TRAP1: variants seen among roughly 807,000 people sequenced by gnomAD.
The protein encoded by TRAP1 is heat shock protein 75 kDa, mitochondrial.
In TRAP1, 102 loss-of-function variants were observed where a neutral mutation model predicts 89.1. The observed-to-expected ratio is 1.15, with a 90% CI of 0.98 to 1.35. The LOEUF is 1.35. TRAP1 is among the 40% of genes most tolerant of loss of function. The pLI is 0.00. For missense variants in TRAP1, 1,256 were observed against 945.3 expected (o/e 1.33, Z -4.31); for synonymous variants, 508 against 388.0 (o/e 1.31, Z -3.64).
intron 12 of TRAP1, chr16:3,665,446 A>G (rs543884342): frequency 6.5e-6 from 1 of 154,324 alleles, no homozygotes; most frequent in South Asian, 2.0e-4. Context: ...TATCTCAATA[A>G]AAAATGGACA....
chr16:3,677,489 G>A lies in TRAP1; in HGVS notation c.704+9C>T, dbSNP rs752235274. On this transcript the variant is annotated intron_variant, in intron 6 of 17. Coordinates refer to ENST00000246957, the MANE Select transcript of TRAP1 (RefSeq NM_016292.3). Reference sequence around the variant, plus strand: ...TTGAGCTGCCTGTCAGGCGACATTCGTCACTCACCCATCTGAAAGCCACTG... The same window carrying A: ...TTGAGCTGCCTGTCAGGCGACATTCATCACTCACCCATCTGAAAGCCACTG... 26 of 1,613,960 alleles carry A rather than the reference G, an allele frequency of 1.6e-5. No homozygotes were observed. The highest frequency in any genetic ancestry group is 1.3e-4 in the East Asian group (6 of 44,884).
chr16:3,679,052 G>A (rs549585687), intron 5 of TRAP1, among the ~76,000 whole-genome samples: 1 of 152,260 alleles, frequency 6.6e-6, no homozygotes, highest in East Asian at 1.9e-4. Context: ...GCATAGTGAC[G>A]TGCACCTGTA....
At chr16:3,661,090 G>T (rs2043048836) in intron 16 of TRAP1, 1 of 151,964 alleles carries the variant, frequency 6.6e-6, no homozygotes, top group South Asian at 2.1e-4. Context: ...TCATATACAA[G>T]TTAGTTCATA....
chr16:3,685,912 G>C, intron 4 of TRAP1, 84 bp downstream of exon 4: 1 of 1,504,014 alleles, frequency 6.6e-7, no homozygotes, highest in East Asian at 2.3e-5. Flanking sequence ...GTACGTCCCT[G>C]GGACCCGAGA....
intron 6 of TRAP1, chr16:3,676,535 GAA>G (rs2050998250): frequency 1.2e-5 from 2 of 162,048 alleles, no homozygotes; most frequent in South Asian, 4.0e-4. Context: ...CGCCCCCTAA[GAA>G]GAGCAGAAAA....
At chr16:3,700,719 G>C (rs1308409627) in intron 1 of TRAP1, among the ~76,000 whole-genome samples, 1 of 152,164 alleles carries the variant, frequency 6.6e-6, no homozygotes, top group African/African-American at 2.4e-5. Context: ...TCCTGCCTCA[G>C]CCTCCCAAAG....
At chr16:3,681,443 C>A (rs2051072151) in intron 4 of TRAP1, among the ~76,000 whole-genome samples, 1 of 152,178 alleles carries the variant, frequency 6.6e-6, no homozygotes, top group African/African-American at 2.4e-5. Flanking sequence ...GGTGCCAAAA[C>A]CACATCACCA....
At chr16:3,695,455 G>A (rs768975309) in intron 1 of TRAP1, among the ~76,000 whole-genome samples, 4 of 149,706 alleles carry the variant, frequency 2.7e-5, no homozygotes, top group Non-Finnish European at 4.4e-5. Context: ...AGGACTGCTC[G>A]AACACAGGAG....
chr16:3,693,950 A>G (rs770987826), intron 1 of TRAP1, among the ~76,000 whole-genome samples: 2 of 151,452 alleles, frequency 1.3e-5, no homozygotes, highest in Non-Finnish European at 2.9e-5. Context: ...CCAAGATCAC[A>G]CTACCGCACT....
At chr16:3,697,854 T>C (rs1327468424) in intron 1 of TRAP1, among the ~76,000 whole-genome samples, 1 of 151,614 alleles carries the variant, frequency 6.6e-6, no homozygotes, top group Non-Finnish European at 1.5e-5. Flanking sequence ...AATGGCGTGA[T>C]CTCGGCTCAC....
intron 1 of TRAP1, among the ~76,000 whole-genome samples, chr16:3,703,378 T>C (rs945708653): frequency 1.3e-5 from 2 of 151,760 alleles, no homozygotes; most frequent in Admixed American, 6.6e-5. Flanking sequence ...AAGCATGGGA[T>C]TATAGAGAAA....
chr16:3,694,093 T>C (rs1311197350), intron 1 of TRAP1, among the ~76,000 whole-genome samples: 1 of 151,908 alleles, frequency 6.6e-6, no homozygotes, highest in African/African-American at 2.4e-5. Flanking sequence ...CTCCCCAGCT[T>C]CTGGCAGTAG....
At chr16:3,690,777 C>T (rs2051202852) in intron 2 of TRAP1, 50 bp downstream of exon 2, 1 of 1,341,646 alleles carries the variant, frequency 7.5e-7, no homozygotes, top group Non-Finnish European at 9.7e-7. Context: ...CCTTTACGCA[C>T]AGCAGTGAAC....
intron 12 of TRAP1, chr16:3,664,686 T>C (rs112035579): frequency 7.5e-4 from 399 of 531,606 alleles, no homozygotes; most frequent in African/African-American, 7.2e-3. Context: ...CTGCCCCAGG[T>C]GGCCCAGGGG....
At chr16:3,662,730 C>A in intron 15 of TRAP1, 152 bp downstream of exon 15, 1 of 742,492 alleles carries the variant, frequency 1.3e-6, no homozygotes, top group South Asian at 1.5e-5. Flanking sequence ...CAACACGTGC[C>A]GAGCAGGGAC....
At chr16:3,709,054 A>T (rs940750919) in intron 1 of TRAP1, among the ~76,000 whole-genome samples, 5 of 151,580 alleles carry the variant, frequency 3.3e-5, no homozygotes, top group African/African-American at 9.7e-5. Flanking sequence ...TGACCTCATG[A>T]TCCGCCCGCC....
chr16:3,680,889 C>T (rs914783396), intron 4 of TRAP1, among the ~76,000 whole-genome samples: 4 of 152,216 alleles, frequency 2.6e-5, no homozygotes, highest in Admixed American at 2.6e-4. Flanking sequence ...AATCTGCTGG[C>T]CCCTTGCTCT....
At chr16:3,699,694 A>C (rs1404739471) in intron 1 of TRAP1, among the ~76,000 whole-genome samples, 1 of 151,472 alleles carries the variant, frequency 6.6e-6, no homozygotes, top group Non-Finnish European at 1.5e-5. Flanking sequence ...CTTAGAAAAG[A>C]GATTGCTCTG....
chr16:3,673,264 A>T (rs1238205334), intron 9 of TRAP1, among the ~76,000 whole-genome samples: 1 of 152,220 alleles, frequency 6.6e-6, no homozygotes, highest in African/African-American at 2.4e-5. Flanking sequence ...ATGAAACTCA[A>T]ATTTCAGTGT....
Sources: gnomAD v4.1 joint callset for allele counts (sites outside exome capture counted in the v4.1 genomes callset) on GRCh38, gnomAD v4.1.1 for gene constraint, MANE v1.5 for transcripts, NCBI Gene and HGNC (gene_info 2026-07-23, HGNC 2026-07-21) for gene names.